The following TNRC6B variants were observed in gnomAD, a reference collection of about 807,000 sequenced individuals.
TNRC6B encodes the protein trinucleotide repeat containing adaptor 6B, also known as trinucleotide repeat-containing gene 6B protein.
TNRC6B carries 52 observed loss-of-function variants against 203.6 expected under a neutral mutation model. The observed-to-expected ratio is 0.26, with a 90% CI of 0.20 to 0.32. The LOEUF (loss-of-function observed/expected upper bound fraction) is 0.32. Among genes scored for constraint, TNRC6B ranks in the 10% least tolerant of loss-of-function variants. TNRC6B has a pLI of 1.00. For synonymous variants in TNRC6B, 838 were observed against 845.7 expected (o/e 0.99, Z 0.16); for missense variants, 1,923 against 2,286.2 (o/e 0.84, Z 3.24).
intron 1 of TNRC6B, among the ~76,000 whole-genome samples, chr22:40,184,641 A>C (rs2146385170): frequency 6.6e-6 from 1 of 152,354 alleles, no homozygotes; most frequent in East Asian, 1.9e-4. Context: ...AGACCAGATG[A>C]TACTGTAGTA....
intron 1 of TNRC6B, among the ~76,000 whole-genome samples, chr22:40,073,930 A>T (rs1052445254): frequency 1.3e-5 from 2 of 152,144 alleles, no homozygotes; most frequent in African/African-American, 4.8e-5. Flanking sequence ...TTAGTCGGGC[A>T]TGGTGGCGTG....
At chr22:40,060,224 T>A (rs533472240) in intron 1 of TNRC6B, among the ~76,000 whole-genome samples, 378 of 151,268 alleles carry the variant, frequency 2.5e-3, no homozygotes, top group African/African-American at 7.5e-3. Flanking sequence ...ATTTTTATTA[T>A]TTTTTTATTT....
chr22:40,239,838 T>C (rs1245788769), intron 1 of TNRC6B, among the ~76,000 whole-genome samples: 2 of 152,146 alleles, frequency 1.3e-5, no homozygotes, highest in East Asian at 1.9e-4. Flanking sequence ...TCTTTTTTTG[T>C]TTTTCTTTCT....
At chr22:40,299,157 AC>A (rs372766272) in intron 12 of TNRC6B, among the ~76,000 whole-genome samples, 9 of 150,698 alleles carry the variant, frequency 6.0e-5, no homozygotes, top group East Asian at 3.9e-4. Flanking sequence ...AAAAAAAAAA[AC>A]AAAAAAAAAA....
At chr22:40,246,625 G>T (rs1317278224) in intron 2 of TNRC6B, among the ~76,000 whole-genome samples, 1 of 152,160 alleles carries the variant, frequency 6.6e-6, no homozygotes, top group African/African-American at 2.4e-5. Context: ...CTGAGTTTTT[G>T]AAAACAACAG....
rs999603894 is a variant in TNRC6B, at chr22:40,301,633, T to C, written c.4120+300T>C. ...TTATTTTATTTAACACAGTAAAGGCTCATACATGCTATAGCACATATCAGA... is the reference window on the plus strand; with the variant it reads ...TTATTTTATTTAACACAGTAAAGGCCCATACATGCTATAGCACATATCAGA... On this transcript the variant is annotated intron_variant, in intron 15 of 22. Coordinates refer to ENST00000454349, the MANE Select transcript of TNRC6B (RefSeq NM_001162501.2). 3.4e-5 allele frequency: 13 copies of C among 382,778 alleles called. No individual in the cohort carries two copies. In the South Asian group the frequency reaches 4.6e-4, roughly 14 times the overall value. The allele number at this position is 382,778 out of a possible 1,614,324, so 23.7% of individuals were successfully genotyped here.
chr22:40,198,133 A>G (rs995017347), intron 1 of TNRC6B, among the ~76,000 whole-genome samples: 22 of 152,162 alleles, frequency 1.4e-4, no homozygotes, highest in Non-Finnish European at 2.6e-4. Context: ...TAATTAGACA[A>G]TAATTAAAGG....
intron 3 of TNRC6B, among the ~76,000 whole-genome samples, chr22:40,145,554 G>A (rs1041565645): frequency 2.6e-5 from 4 of 151,998 alleles, no homozygotes; most frequent in East Asian, 1.9e-4. Flanking sequence ...AAGAGAAAAC[G>A]ATAAATCGGC....
intron 1 of TNRC6B, among the ~76,000 whole-genome samples, chr22:40,059,081 CTT>C: frequency 6.6e-6 from 1 of 152,282 alleles, no homozygotes; most frequent in African/African-American, 2.4e-5. Flanking sequence ...TCTTTTGAAT[CTT>C]TGCGTTCTGT....
At chr22:40,290,830 A>C (rs887558287) in intron 12 of TNRC6B, among the ~76,000 whole-genome samples, 7 of 152,214 alleles carry the variant, frequency 4.6e-5, no homozygotes, top group Admixed American at 3.9e-4. Context: ...AGTCATGGGA[A>C]GATGCATATC....
intron 1 of TNRC6B, among the ~76,000 whole-genome samples, chr22:40,237,979 G>T (rs923850967): frequency 6.6e-6 from 1 of 152,020 alleles, no homozygotes; most frequent in African/African-American, 2.4e-5. Context: ...AGGTCAGTGC[G>T]TGGCATATCA....
chr22:40,192,333 C>A lies in TNRC6B; in HGVS notation c.5+14193C>A, dbSNP rs1190517744. Among the ~76,000 whole-genome samples, 3 of 152,162 alleles carry A rather than the reference C, an allele frequency of 2.0e-5. No individual in the cohort carries two copies. The South Asian group carries it at 6.2e-4, about 31-fold the overall frequency. ...GGTAGTGACCATAAAGATGGAAAGA[C>A]CAGGCTGGGTGTGGTGGTTCATGCC... On this transcript the variant is annotated intron_variant, in intron 1 of 22. Coordinates refer to ENST00000454349, the MANE Select transcript of TNRC6B (RefSeq NM_001162501.2).
intron 3 of TNRC6B, among the ~76,000 whole-genome samples, chr22:40,131,225 A>G (rs1023046054): frequency 7.2e-5 from 11 of 152,082 alleles, no homozygotes. Flanking sequence ...AGCGCGGTAT[A>G]GAAGTCTTAT....
chr22:40,232,671 T>C (rs1336180233), intron 1 of TNRC6B, among the ~76,000 whole-genome samples: 1 of 152,226 alleles, frequency 6.6e-6, no homozygotes, highest in African/African-American at 2.4e-5. Context: ...TTCAAATTGT[T>C]GGTTATAGCT....
chr22:40,123,283 C>A (rs992127722), intron 2 of TNRC6B, among the ~76,000 whole-genome samples: 1 of 151,694 alleles, frequency 6.6e-6, no homozygotes, highest in South Asian at 2.1e-4. Flanking sequence ...GAGGAGGAGT[C>A]GGTAACGGGA....
At chr22:40,273,781 C>A (rs2070599130) in intron 7 of TNRC6B, among the ~76,000 whole-genome samples, 181 bp downstream of exon 7, 1 of 152,188 alleles carries the variant, frequency 6.6e-6, no homozygotes, top group East Asian at 1.9e-4. Context: ...CCACCTCAGC[C>A]TTCTTAGTAG....
intron 3 of TNRC6B, among the ~76,000 whole-genome samples, chr22:40,149,589 G>A (rs1286735255): frequency 6.7e-6 from 1 of 148,296 alleles, no homozygotes; most frequent in African/African-American, 2.5e-5. Flanking sequence ...AGAATCTCTT[G>A]AACCCAGGAG....
At chr22:40,188,399 G>C (rs1344048150) in intron 1 of TNRC6B, among the ~76,000 whole-genome samples, 3 of 152,018 alleles carry the variant, frequency 2.0e-5, no homozygotes, top group Non-Finnish European at 4.4e-5. Context: ...CTTGTTTTTT[G>C]TTTGTTTAAT....
chr22:40,306,618 C>T (rs982305587), intron 15 of TNRC6B, among the ~76,000 whole-genome samples: 3 of 152,120 alleles, frequency 2.0e-5, no homozygotes, highest in African/African-American at 7.2e-5. Context: ...CCTTCCTGCC[C>T]TGCAATCTAA....
Sources: gnomAD v4.1 joint callset for allele counts (sites outside exome capture counted in the v4.1 genomes callset) on GRCh38, gnomAD v4.1.1 for gene constraint, MANE v1.5 for transcripts, NCBI Gene and HGNC (gene_info 2026-07-23, HGNC 2026-07-21) for gene names.